THSD4: variants seen among roughly 807,000 people sequenced by gnomAD.
THSD4 encodes thrombospondin type 1 domain containing 4.
In THSD4, 69 loss-of-function variants were observed where a neutral mutation model predicts 119.0. That is an observed-to-expected ratio of 0.58 (90% CI 0.48 to 0.71). THSD4 has a LOEUF of 0.71. Ranked by LOEUF, THSD4 falls within the 30% of genes least tolerant of loss-of-function variation. The pLI is 0.00. For synonymous variants in THSD4, 524 were observed against 540.4 expected, an observed-to-expected ratio of 0.97 and a Z score of 0.42; for missense variants, 1,393 against 1,391.1, an observed-to-expected ratio of 1.00 and a Z score of -0.02.
chr15:71,432,794 A>G (rs911089224), intron 7 of THSD4, among the ~76,000 whole-genome samples: 1 of 151,746 alleles, frequency 6.6e-6, no homozygotes, highest in African/African-American at 2.4e-5. Context: ...TATCTATACC[A>G]TCTTTTTATT....
chr15:71,678,638 C>T (rs1363875195), intron 8 of THSD4, among the ~76,000 whole-genome samples: 1 of 152,218 alleles, frequency 6.6e-6, no homozygotes. Flanking sequence ...CTTTCTCCCT[C>T]TCATCATGAA....
At chr15:71,687,644 A>C (rs549210021) in intron 8 of THSD4, among the ~76,000 whole-genome samples, 1 of 151,842 alleles carries the variant, frequency 6.6e-6, no homozygotes, top group African/African-American at 2.4e-5. Context: ...AATCCCAGTT[A>C]CTCGGAAGGC....
chr15:71,197,012 C>A (rs1219645135), intron 3 of THSD4, among the ~76,000 whole-genome samples: 2 of 152,174 alleles, frequency 1.3e-5, no homozygotes, highest in African/African-American at 4.8e-5. Context: ...CTTCCATCTG[C>A]CTGGCCTTGT....
rs772655091 is a variant in THSD4, at chr15:71,660,541, T to C, written c.1164T>C (p.Cys388=). Residue 388 remains cysteine (C), a synonymous_variant, in exon 8 of 18, where the codon TGT becomes TGC. Transcript: ENST00000261862. Reference sequence around the variant, plus strand: ...CTGTCTTTTTGCAGAGCATTGGCTGTGATGACTACTTAGGCTCCGACAAAG... The same window carrying C: ...CTGTCTTTTTGCAGAGCATTGGCTGCGATGACTACTTAGGCTCCGACAAAG... ...CVSGQCKSIG[C]DDYLGSDKVV... 2.5e-6 allele frequency: 4 copies of C among 1,614,012 alleles called. No homozygotes were observed. In the African/African-American group the frequency reaches 5.3e-5, roughly 22 times the overall value.
intron 7 of THSD4, among the ~76,000 whole-genome samples, chr15:71,626,764 T>G (rs1169334039): frequency 6.6e-6 from 1 of 152,196 alleles, no homozygotes; most frequent in African/African-American, 2.4e-5. Context: ...TTACTCAAGA[T>G]CATGACATTT....
chr15:71,257,859 C>A (rs556723406), intron 6 of THSD4, among the ~76,000 whole-genome samples: 2 of 152,096 alleles, frequency 1.3e-5, no homozygotes, highest in African/African-American at 4.8e-5. Context: ...TTGAGACTAT[C>A]AAATTCAAGC....
At chr15:71,111,264 C>T, upstream of THSD4, 1 of 1,614,018 alleles carries the variant, frequency 6.2e-7, no homozygotes, top group Admixed American at 1.7e-5. Flanking sequence ...CCTGACACTT[C>T]ATGGGAATCC....
intron 1 of THSD4, among the ~76,000 whole-genome samples, chr15:71,133,934 G>A (rs631485): frequency 0.13 from 19,242 of 152,160 alleles, 2,496 homozygotes; most frequent in African/African-American, 0.33. Context: ...AGGTGAGGAC[G>A]GAGAAGCACG....
At chr15:71,269,565 C>G (rs2140302053) in intron 6 of THSD4, among the ~76,000 whole-genome samples, 1 of 152,312 alleles carries the variant, frequency 6.6e-6, no homozygotes, top group East Asian at 1.9e-4. Context: ...TCTCTCACCA[C>G]TCCTGTTTAA....
At chr15:71,388,313 G>A (rs1370445797) in intron 6 of THSD4, among the ~76,000 whole-genome samples, 2 of 152,132 alleles carry the variant, frequency 1.3e-5, no homozygotes, top group Admixed American at 1.3e-4. Context: ...TAGGTGCCAG[G>A]TACTTTATAG....
chr15:71,558,068 C>T (rs1210924608), intron 7 of THSD4, among the ~76,000 whole-genome samples: 1 of 152,136 alleles, frequency 6.6e-6, no homozygotes, highest in Non-Finnish European at 1.5e-5. Context: ...TGGCTCACAC[C>T]TGTAATCCCA....
intron 7 of THSD4, among the ~76,000 whole-genome samples, chr15:71,450,552 AAAT>A (rs1305514460): frequency 3.9e-5 from 6 of 152,226 alleles, no homozygotes; most frequent in East Asian, 1.9e-4. Context: ...TGCAAAATGG[AAAT>A]AATAATTCTT....
chr15:71,627,443 C>T (rs1262824982), intron 7 of THSD4, among the ~76,000 whole-genome samples: 1 of 152,220 alleles, frequency 6.6e-6, no homozygotes, highest in East Asian at 1.9e-4. Flanking sequence ...CTTGCACAAG[C>T]TCAGGCCGTA....
chr15:71,353,505 T>C (rs1303960491), intron 6 of THSD4, among the ~76,000 whole-genome samples: 2 of 152,204 alleles, frequency 1.3e-5, no homozygotes, highest in African/African-American at 4.8e-5. Context: ...TCTGAGTCTT[T>C]ATAGGATAAG....
chr15:71,283,040 G>A (rs2140316000), intron 6 of THSD4, among the ~76,000 whole-genome samples: 1 of 150,418 alleles, frequency 6.6e-6, no homozygotes, highest in South Asian at 2.1e-4. Flanking sequence ...CACAATCTCG[G>A]CTCACTGCAG....
chr15:71,685,288 A>G (rs1281155914), intron 8 of THSD4, among the ~76,000 whole-genome samples: 1 of 151,936 alleles, frequency 6.6e-6, no homozygotes, highest in Non-Finnish European at 1.5e-5. Flanking sequence ...TGGTTCTTAA[A>G]TGTTTTCATC....
intron 7 of THSD4, among the ~76,000 whole-genome samples, chr15:71,646,830 G>A (rs560686855): frequency 3.3e-5 from 5 of 152,236 alleles, no homozygotes; most frequent in South Asian, 2.1e-4. Context: ...ATTCTTGAGC[G>A]GCTGCAGCCC....
Position 71,757,961 on chromosome 15 carries a change from T to C in THSD4, c.2475T>C (p.His825=), listed in dbSNP as rs778342124. The change falls in exon 15 of 18, where the codon CAT becomes CAC. Residue 825 remains histidine (H), a synonymous_variant. Transcript: ENST00000261862. ...RTRSVVCMTN[H]VSSLPLEGCG... is the part of the protein sequence containing the mutation. Reference sequence around the variant, plus strand: ...GCTCGGTGGTGTGCATGACCAACCATGTCAGCAGCCTGCCCCTGGAGGGCT... The same window carrying C: ...GCTCGGTGGTGTGCATGACCAACCACGTCAGCAGCCTGCCCCTGGAGGGCT... The C allele has an allele frequency of 2.2e-5, 36 of 1,613,878 alleles. No homozygotes were observed. In the East Asian group the frequency reaches 2.7e-4, roughly 12 times the overall value.
chr15:71,232,849 C>T (rs1010821369), intron 4 of THSD4, among the ~76,000 whole-genome samples: 6 of 152,036 alleles, frequency 3.9e-5, no homozygotes, highest in African/African-American at 1.2e-4. Flanking sequence ...AGAGTAATGA[C>T]CAGGGCTGTG....
Sources: allele counts gnomAD v4.1 joint callset (sites outside exome capture counted in the v4.1 genomes callset), GRCh38; gene constraint gnomAD v4.1.1; transcripts MANE v1.5; gene names NCBI Gene and HGNC (gene_info 2026-07-23, HGNC 2026-07-21).